CBLN2: variants seen among roughly 807,000 people sequenced by gnomAD.
CBLN2 encodes the protein cerebellin-2.
CBLN2 carries 7 observed loss-of-function variants against 15.0 expected under a neutral mutation model. The ratio of observed to expected loss-of-function variants is 0.47; its 90% CI spans 0.27 to 0.88. The LOEUF is 0.88. CBLN2 is among the 40% of genes least tolerant of loss of function. The probability of loss-of-function intolerance (pLI) is 0.14; values close to 1 mark genes in which losing one functional copy is unlikely to be tolerated. For synonymous variants in CBLN2, 149 were observed against 135.2 expected, an observed-to-expected ratio of 1.10 and a Z score of -0.71; for missense variants, 242 against 304.5, an observed-to-expected ratio of 0.79 and a Z score of 1.53.
chr18:72,578,138 G>A (rs1599007906), intron 1 of CBLN2, among the ~76,000 whole-genome samples: 2 of 151,988 alleles, frequency 1.3e-5, no homozygotes, highest in African/African-American at 4.8e-5. Context: ...ATTGTTATAG[G>A]GACAAGCACC....
chr18:72,638,025 G>A (rs1480486682), intron 1 of CBLN2, among the ~76,000 whole-genome samples: 1 of 152,202 alleles, frequency 6.6e-6, no homozygotes, highest in Non-Finnish European at 1.5e-5. Flanking sequence ...AAAGCTTGGA[G>A]GGGTTGTGGA....
rs144429373 is a variant in CBLN2 at position 72,612,105 on chromosome 18, T to C, written c.15+26220A>G. Among the ~76,000 whole-genome samples the C allele has an allele frequency of 9.4e-3, 1,430 of 152,316 alleles. 29 individuals carry two copies. The highest frequency in any genetic ancestry group is 0.033 in the African/African-American group (1,362 of 41,570). ...ATTCTGTTGCATTGTTATATGTGTC[T>C]GTTTTTGTACTAGTACCATGCTGTT... On this transcript the variant is annotated intron_variant, in intron 1 of 2. Transcript: ENST00000581073.
At chr18:72,630,564 CAGAG>C (rs368831135) in intron 1 of CBLN2, among the ~76,000 whole-genome samples, 16 of 135,486 alleles carry the variant, frequency 1.2e-4, no homozygotes, top group East Asian at 2.1e-4. Flanking sequence ...CACACACATG[CAGAG>C]AGAGAGAGAG....
At chr18:72,589,703 C>A (rs867186602) in intron 1 of CBLN2, among the ~76,000 whole-genome samples, 1 of 152,124 alleles carries the variant, frequency 6.6e-6, no homozygotes, top group Non-Finnish European at 1.5e-5. Context: ...GAGGTAGAGA[C>A]AAGACATAAT....
intron 1 of CBLN2, among the ~76,000 whole-genome samples, chr18:72,577,194 T>A (rs1300059906): frequency 6.6e-6 from 1 of 151,174 alleles, no homozygotes; most frequent in Non-Finnish European, 1.5e-5. Context: ...TATATGAATA[T>A]GAAAGAAAAA....
At chr18:72,613,504 TAA>T (rs1568131872) in intron 1 of CBLN2, among the ~76,000 whole-genome samples, 1 of 151,898 alleles carries the variant, frequency 6.6e-6, no homozygotes, top group Non-Finnish European at 1.5e-5. Context: ...GTTGAAAGAT[TAA>T]CCTGCAATTC....
rs1354622654 is a variant in CBLN2, at chr18:72,538,019, A to G, written c.*157T>C. 2.7e-6 allele frequency: 2 copies of G among 730,586 alleles called. No individual in the cohort carries two copies. The highest frequency in any genetic ancestry group is 2.9e-5 in the Admixed American group (1 of 34,544). The allele number at this position is 730,586 out of a possible 1,614,324, so 45.3% of individuals were successfully genotyped here. A position where few individuals can be genotyped will look rare whatever the true frequency, so the allele number is the denominator to read the frequency against. On this transcript the variant is annotated 3_prime_UTR_variant, in exon 5 of 5. Transcript: ENST00000269503. ...TGTCAGTATTCCAAAAAACAAAAAC[A>G]AAAGTACTGGAGGTTTCAAAGGAAA...
At chr18:72,620,960 G>A (rs549372729) in intron 1 of CBLN2, among the ~76,000 whole-genome samples, 127 of 152,296 alleles carry the variant, frequency 8.3e-4, no homozygotes, top group African/African-American at 2.6e-3. Context: ...AAGTGCATAG[G>A]AAGTGCTAGA....
In CBLN2 at chr18:72,573,885, A is replaced by G. The variant is rs2367993; in HGVS notation, c.16-35113T>C. 3.8e-3 allele frequency among the ~76,000 whole-genome samples: 575 copies of G among 152,322 alleles called. 2 individuals are homozygous for G. Among genetic ancestry groups the G allele is most frequent in the African/African-American group, 0.013 (540 of 41,576 alleles). On this transcript the variant is annotated intron_variant, in intron 1 of 2. Transcript: ENST00000581073. ...CACTATCTTCTGAAGTGTTTGGACC[A>G]TTTTTCATTCCAATCAGCAATAAAT...
intron 1 of CBLN2, among the ~76,000 whole-genome samples, chr18:72,560,870 G>A (rs1421407395): frequency 1.3e-5 from 2 of 152,078 alleles, no homozygotes; most frequent in Admixed American, 6.5e-5. Context: ...TTAGCCGGGA[G>A]TGGTGGTGGG....
At chr18:72,541,781 G>A in intron 3 of CBLN2, 23 bp downstream of exon 3, 1 of 1,509,238 alleles carries the variant, frequency 6.6e-7, no homozygotes. Flanking sequence ...GCTGGGGGCG[G>A]GGTGGGCAGG....
intron 1 of CBLN2, among the ~76,000 whole-genome samples, chr18:72,611,957 T>C (rs1440015006): frequency 1.3e-5 from 2 of 152,312 alleles, no homozygotes; most frequent in East Asian, 3.9e-4. Context: ...CTTCTATATA[T>C]GGCTGGCCAG....
intron 1 of CBLN2, among the ~76,000 whole-genome samples, chr18:72,572,057 A>G (rs964615508): frequency 6.6e-6 from 1 of 152,174 alleles, no homozygotes; most frequent in African/African-American, 2.4e-5. Context: ...TCTAAATCTT[A>G]CCATAGAGGC....
At chr18:72,557,681 A>G (rs1448260839) in intron 1 of CBLN2, among the ~76,000 whole-genome samples, 1 of 152,200 alleles carries the variant, frequency 6.6e-6, no homozygotes, top group Non-Finnish European at 1.5e-5. Context: ...ACATGTTCTC[A>G]CTAGTAAGTG....
intron 1 of CBLN2, among the ~76,000 whole-genome samples, chr18:72,581,851 C>T (rs554978233): frequency 6.6e-6 from 1 of 152,088 alleles, no homozygotes; most frequent in South Asian, 2.1e-4. Flanking sequence ...CCTGTTTAAT[C>T]GATTAGTTCG....
chr18:72,630,588 G>GAGAGAGAGAGAGAGAGA (rs1568137265), intron 1 of CBLN2, among the ~76,000 whole-genome samples: 96 of 150,518 alleles, frequency 6.4e-4, no homozygotes, highest in African/African-American at 1.4e-3. Context: ...GAGAGAGAGA[G>GAGAGAGAGAGAGAGAGA]GCTTTCTGTA....
intron 1 of CBLN2, among the ~76,000 whole-genome samples, chr18:72,629,548 A>T (rs1429204334): frequency 6.6e-6 from 1 of 152,154 alleles, no homozygotes; most frequent in Non-Finnish European, 1.5e-5. Flanking sequence ...TTATGAAAAC[A>T]TTTCAGAGAT....
intron 1 of CBLN2, among the ~76,000 whole-genome samples, chr18:72,620,927 C>A (rs979474602): frequency 1.3e-5 from 2 of 152,100 alleles, no homozygotes; most frequent in African/African-American, 2.4e-5. Context: ...ATAATCAAAT[C>A]TATTTGATAC....
At chr18:72,570,424 T>C (rs2163614) in intron 1 of CBLN2, among the ~76,000 whole-genome samples, 79,049 of 148,922 alleles carry the variant, frequency 0.53, 25,467 homozygotes, top group Non-Finnish European at 0.73. Context: ...TTTTTTTTTT[T>C]TTTTTGTGGA....
Sources: gnomAD v4.1 joint callset for allele counts (sites outside exome capture counted in the v4.1 genomes callset) on GRCh38, gnomAD v4.1.1 for gene constraint, MANE v1.5 for transcripts, NCBI Gene and HGNC (gene_info 2026-07-23, HGNC 2026-07-21) for gene names.